Variants in VAC14 observed in about 807,000 individuals in gnomAD.
The protein encoded by VAC14 is protein VAC14 homolog.
A neutral mutation model predicts 85.3 loss-of-function variants in VAC14; 47 were observed. The observed-to-expected ratio is 0.55, with a 90% confidence interval of 0.44 to 0.70. The LOEUF is 0.70. VAC14 is among the 30% of genes least tolerant of loss of function. The probability of loss-of-function intolerance (pLI) is 0.00; values close to 1 mark genes in which losing one functional copy is unlikely to be tolerated. For synonymous variants in VAC14, 447 were observed against 430.5 expected, an observed-to-expected ratio of 1.04 and a Z score of -0.47; for missense variants, 861 against 1,004.3, an observed-to-expected ratio of 0.86 and a Z score of 1.93.
chr16:70,751,686 C>T (rs945906535), intron 12 of VAC14, among the ~76,000 whole-genome samples: 7 of 152,212 alleles, frequency 4.6e-5, no homozygotes, highest in African/African-American at 1.7e-4. Context: ...CCCTAGGAAG[C>T]CGGGCTGCTG....
intron 17 of VAC14, 96 bp downstream of exon 17, chr16:70,695,448 C>T (rs2053686770): frequency 4.6e-6 from 6 of 1,309,132 alleles, no homozygotes; most frequent in Admixed American, 1.7e-5. Flanking sequence ...CCTCCCTCCC[C>T]AGCCAAAAGA....
At chr16:70,697,801 A>G (rs2053743856) in intron 15 of VAC14, among the ~76,000 whole-genome samples, 1 of 152,214 alleles carries the variant, frequency 6.6e-6, no homozygotes, top group African/African-American at 2.4e-5. Context: ...GGAGGGAGGC[A>G]GGGCTGTGGC....
At chr16:70,693,849 G>A (rs1171799551) in intron 17 of VAC14, among the ~76,000 whole-genome samples, 1 of 152,202 alleles carries the variant, frequency 6.6e-6, no homozygotes, top group East Asian at 1.9e-4. Context: ...TGTCACCCCT[G>A]GAGCGGCCAC....
At chr16:70,782,069 C>T (rs1425234242) in intron 7 of VAC14, 66 bp from the exon 8 acceptor site, 1 of 1,578,912 alleles carries the variant, frequency 6.3e-7, no homozygotes, top group Non-Finnish European at 8.6e-7. Flanking sequence ...CTCCCATTGA[C>T]CATACACGTG....
At chr16:70,718,381 G>T (rs1422916687) in intron 14 of VAC14, among the ~76,000 whole-genome samples, 1 of 152,074 alleles carries the variant, frequency 6.6e-6, no homozygotes, top group Non-Finnish European at 1.5e-5. Context: ...GACCATCCTG[G>T]CTAACATGGT....
chr16:70,790,494 G>A (rs2034286356), intron 1 of VAC14, among the ~76,000 whole-genome samples: 1 of 152,192 alleles, frequency 6.6e-6, no homozygotes, highest in African/African-American at 2.4e-5. Flanking sequence ...GAGCTCGCAC[G>A]TGATGTGAAC....
intron 14 of VAC14, among the ~76,000 whole-genome samples, chr16:70,724,404 T>C (rs2054369931): frequency 1.3e-5 from 2 of 152,178 alleles, no homozygotes; most frequent in Non-Finnish European, 2.9e-5. Flanking sequence ...GCTGGTCATT[T>C]TGCCATGGAC....
chr16:70,779,165 G>C (rs975713810), intron 9 of VAC14: 1 of 152,264 alleles, frequency 6.6e-6, no homozygotes, highest in Non-Finnish European at 1.5e-5. Context: ...TCACAGTGGT[G>C]ATGGCACAGC....
intron 14 of VAC14, among the ~76,000 whole-genome samples, chr16:70,709,776 A>G (rs562715839): frequency 6.6e-6 from 1 of 152,162 alleles, no homozygotes; most frequent in Non-Finnish European, 1.5e-5. Flanking sequence ...GGAGATTTTA[A>G]TATAAAGATT....
intron 14 of VAC14, among the ~76,000 whole-genome samples, chr16:70,727,206 G>T (rs1296500238): frequency 6.6e-6 from 1 of 152,210 alleles, no homozygotes; most frequent in Admixed American, 6.5e-5. Context: ...AATCTTGGAG[G>T]CTGAGAAGAA....
rs190782607 is a variant in VAC14 at position 70,710,904 on chromosome 16, G to A, written c.1662-12093C>T. On this transcript the variant is annotated intron_variant, in intron 14 of 18. Coordinates refer to ENST00000261776, the MANE Select transcript of VAC14 (RefSeq NM_018052.5). ...TGATTCACTAGTCTCTCGTGTTCCC[G>A]TGGCAACTTTCCTTCAAAGGACCTC... is the stretch of plus-strand genomic sequence containing the variant. Among the ~76,000 whole-genome samples the A allele has an allele frequency of 2.5e-3, 388 of 152,346 alleles. 1 individual carries two copies. The highest frequency in any genetic ancestry group is 2.9e-3 in the Non-Finnish European group (200 of 68,036).
intron 16 of VAC14, 88 bp downstream of exon 16, chr16:70,697,051 T>C: frequency 2.7e-6 from 3 of 1,101,236 alleles, no homozygotes; most frequent in Non-Finnish European, 4.1e-6. Flanking sequence ...GCATGGCACT[T>C]GGGCCCGCCT....
Position 70,786,557 on chromosome 16 carries a change from C to T in VAC14, c.105-192G>A. 15 of 656,568 alleles carry T rather than the reference C, an allele frequency of 2.3e-5. No individual in the cohort carries two copies. In the South Asian group the frequency reaches 3.4e-4, roughly 15 times the overall value. 40.7% of individuals were successfully genotyped at this position (656,568 alleles called of 1,614,324 possible). On this transcript the variant is annotated intron_variant, in intron 1 of 18. Coordinates refer to ENST00000261776, the MANE Select transcript of VAC14 (RefSeq NM_018052.5). The stretch of plus-strand genomic sequence containing the variant: ...TTCCCTATTCTGGGTCTCAGTTTCC[C>T]TTTGTGTACAATGGAATAAGGAACA...
intron 12 of VAC14, among the ~76,000 whole-genome samples, chr16:70,753,168 C>T (rs886309780): frequency 2.0e-5 from 3 of 152,156 alleles, no homozygotes; most frequent in African/African-American, 7.2e-5. Context: ...CCTACCCTCA[C>T]AGGGTTGTCT....
chr16:70,725,016 T>C (rs2054386799), intron 14 of VAC14, among the ~76,000 whole-genome samples: 1 of 152,260 alleles, frequency 6.6e-6, no homozygotes, highest in Admixed American at 6.5e-5. Flanking sequence ...ATGAACGCAA[T>C]CCATTAAAAG....
chr16:70,754,431 C>A (rs1217097153), intron 12 of VAC14, among the ~76,000 whole-genome samples: 1 of 152,222 alleles, frequency 6.6e-6, no homozygotes, highest in Non-Finnish European at 1.5e-5. Context: ...ACCTAGCTGT[C>A]CCCGAGGAGG....
intron 14 of VAC14, among the ~76,000 whole-genome samples, chr16:70,702,646 G>A (rs1193077449): frequency 6.6e-6 from 1 of 152,234 alleles, no homozygotes; most frequent in Non-Finnish European, 1.5e-5. Context: ...TCACTGCGTT[G>A]CAAAGCCTCA....
At chr16:70,795,840 A>G (rs763790251) in intron 1 of VAC14, among the ~76,000 whole-genome samples, 1 of 152,204 alleles carries the variant, frequency 6.6e-6, no homozygotes, top group Non-Finnish European at 1.5e-5. Context: ...CTCAAAGCTC[A>G]GGACCACTAG....
chr16:70,782,639 TATG>T (rs1291716173), intron 7 of VAC14, among the ~76,000 whole-genome samples: 3 of 152,220 alleles, frequency 2.0e-5, no homozygotes, highest in Non-Finnish European at 4.4e-5. Flanking sequence ...CCCACAGACT[TATG>T]ATAAGTGACT....
Sources: allele counts gnomAD v4.1 joint callset (sites outside exome capture counted in the v4.1 genomes callset), GRCh38; gene constraint gnomAD v4.1.1; transcripts MANE v1.5; gene names NCBI Gene and HGNC (gene_info 2026-07-23, HGNC 2026-07-21).